The following SSC5D variants were observed in gnomAD, a reference collection of about 807,000 sequenced individuals.
SSC5D encodes the protein soluble scavenger receptor cysteine-rich domain-containing protein SSC5D.
SSC5D carries 106 observed loss-of-function variants against 104.6 expected under a neutral mutation model. The observed-to-expected ratio is 1.01, with a 90% CI of 0.87 to 1.19. The LOEUF is 1.19. Ranked by LOEUF, SSC5D falls within the 50% of genes most tolerant of loss-of-function variation. The pLI is 0.00. For missense variants in SSC5D, 1,993 were observed against 2,153.8 expected (o/e 0.93, Z 1.48); for synonymous variants, 860 against 883.5 (o/e 0.97, Z 0.47).
In SSC5D at chr19:55,518,525, A is replaced by G. The variant is rs1987945803; in HGVS notation, c.4249A>G (p.Ser1417Gly). The change falls in exon 14 of 14, where the codon AGC (serine) becomes GGC (glycine). Residue 1417 changes from serine to glycine, a missense_variant. Ser to Gly is a moderately conservative substitution (Grantham distance 56). Coordinates refer to ENST00000389623, the MANE Select transcript of SSC5D (RefSeq NM_001144950.2). ...TEDFKPPRSQSPNLTPPPTHT... is the reference protein window; with the variant it reads ...TEDFKPPRSQGPNLTPPPTHT... ...GGACTTCAAGCCACCCAGAAGCCAGAGCCCCAACCTAACCCCTCCACCCAC... is the reference window on the plus strand; with the variant it reads ...GGACTTCAAGCCACCCAGAAGCCAGGGCCCCAACCTAACCCCTCCACCCAC... 3 of 1,550,606 alleles carry G rather than the reference A, an allele frequency of 1.9e-6. No individual in the cohort carries two copies. Among genetic ancestry groups the G allele is most frequent in the Non-Finnish European group, 2.6e-6 (3 of 1,146,766 alleles).
At chr19:55,512,973 A>C in intron 12 of SSC5D, 38 bp from the exon 13 acceptor site, 1 of 1,551,442 alleles carries the variant, frequency 6.4e-7, no homozygotes. Flanking sequence ...CTCAAAGGGA[A>C]GTTGGAAGAC....
chr19:55,496,416 C>T (rs1015250636), intron 8 of SSC5D, among the ~76,000 whole-genome samples: 1 of 152,158 alleles, frequency 6.6e-6, no homozygotes, highest in Non-Finnish European at 1.5e-5. Context: ...GGGAAAAGGC[C>T]GAACAAAAGC....
At position 55,488,571 on chromosome 19, in the gene SSC5D, C is replaced by G. The variant is rs529665364; in HGVS notation, c.-19C>G. ...GCTCTCCTTCCCCTTTCACCCCATCCCCTGCCCTGGCTGCAACCATGAGGG... is the reference window on the plus strand; with the variant it reads ...GCTCTCCTTCCCCTTTCACCCCATCGCCTGCCCTGGCTGCAACCATGAGGG... On this transcript the variant is annotated 5_prime_UTR_variant, in exon 1 of 14. Transcript: ENST00000389623. 1 of 1,550,356 alleles carries G rather than the reference C, an allele frequency of 6.5e-7. No individual in the cohort carries two copies. The highest frequency in any genetic ancestry group is 1.2e-5 in the South Asian group (1 of 83,994).
chr19:55,498,870 A>G (rs1987396864), intron 9 of SSC5D, among the ~76,000 whole-genome samples: 1 of 152,236 alleles, frequency 6.6e-6, no homozygotes, highest in Non-Finnish European at 1.5e-5. Context: ...ATCGTTTATC[A>G]CAGTGAAAGG....
Position 55,490,878 on chromosome 19 carries a change from C to G in SSC5D, c.693C>G (p.Asp231Glu), listed in dbSNP as rs777436474. 1.3e-6 allele frequency: 2 copies of G among 1,546,380 alleles called. No homozygotes were observed. Among genetic ancestry groups the G allele is most frequent in the South Asian group, 1.2e-5 (1 of 83,608 alleles). The change falls in exon 6 of 14, where the codon GAC becomes GAG. Residue 231 changes from aspartate (D) to glutamate (E), a missense_variant. By Grantham distance (45) the Asp-to-Glu change is conservative (BLOSUM62 2). Coordinates refer to ENST00000389623, the MANE Select transcript of SSC5D (RefSeq NM_001144950.2). ...TVCDDGWDLR[D>E]AAVACRELGC... ...GTGACGATGGCTGGGACCTGCGCGACGCTGCTGTAGCCTGCCGGGAACTGG... is the reference window on the plus strand; with the variant it reads ...GTGACGATGGCTGGGACCTGCGCGAGGCTGCTGTAGCCTGCCGGGAACTGG...
Position 55,499,963 on chromosome 19 carries a change from C to T in SSC5D, c.1853C>T (p.Thr618Met), listed in dbSNP as rs971302119. Residue 618 changes from threonine (T) to methionine (M), a missense_variant, in exon 10 of 14, where the codon ACG becomes ATG. Coordinates refer to ENST00000389623, the MANE Select transcript of SSC5D (RefSeq NM_001144950.2). ...GCCAGTGTTCTGGAGAAAACAACCA[C>T]GAAGGCCCCAGGGAAAATGCCTAAG... ...VTASVLEKTT[T>M]KAPGKMPKST... The T allele has an allele frequency of 3.3e-5, 51 of 1,551,852 alleles. No homozygotes were observed. Among genetic ancestry groups the T allele is most frequent in the East Asian group, 4.9e-5 (2 of 40,908 alleles).
At position 55,498,185 on chromosome 19, in the gene SSC5D, G is replaced by A; in HGVS notation, c.1693G>A (p.Val565Ile). The A allele has an allele frequency of 6.4e-7, 1 of 1,551,752 alleles. No homozygotes were observed. The highest frequency in any genetic ancestry group is 8.7e-7 in the Non-Finnish European group (1 of 1,147,012). ...HNCAHNEDVG[V>I]TCTGPPGLDS... ...CTGCGCTCACAATGAGGATGTTGGGGTCACCTGCACTGGTAAGGAGGCCCT... is the reference window on the plus strand; with the variant it reads ...CTGCGCTCACAATGAGGATGTTGGGATCACCTGCACTGGTAAGGAGGCCCT... The change falls in exon 9 of 14, where the codon GTC becomes ATC. Residue 565 changes from valine (V) to isoleucine (I), a missense_variant. Val to Ile is a conservative substitution (Grantham distance 29, BLOSUM62 3). This residue lies in a region of SSC5D where 1,101 missense variants were observed against 1,085.0 expected (regional missense o/e 1.01). Coordinates refer to ENST00000389623, the MANE Select transcript of SSC5D (RefSeq NM_001144950.2).
At chr19:55,516,515 A>G (rs1987876028) in intron 13 of SSC5D, among the ~76,000 whole-genome samples, 1 of 148,476 alleles carries the variant, frequency 6.7e-6, no homozygotes, top group South Asian at 2.1e-4. Flanking sequence ...AAAAAAAGTC[A>G]CTGAAGACAG....
In SSC5D at chr19:55,493,987, C is replaced by CAA; in HGVS notation, c.1213+75_1213+76insAA. 4 of 206,422 alleles carry CAA rather than the reference C, an allele frequency of 1.9e-5. 1 individual carries two copies. The highest frequency in any genetic ancestry group is 2.8e-5 in the Non-Finnish European group (4 of 145,040). 12.8% of individuals were successfully genotyped at this position (206,422 alleles called of 1,614,324 possible). ...AGCGGAGGGGCAAGTTCGGCGGGGG[C>CAA]GGGGGGGTCCCTACGCGCCCTTCCT... On this transcript the variant is annotated intron_variant, in intron 7 of 13. Coordinates refer to ENST00000389623, the MANE Select transcript of SSC5D (RefSeq NM_001144950.2).
At chr19:55,513,416 C>T (rs1987802904) in intron 13 of SSC5D, among the ~76,000 whole-genome samples, 1 of 152,104 alleles carries the variant, frequency 6.6e-6, no homozygotes, top group African/African-American at 2.4e-5. Context: ...TGGTGAGCCC[C>T]CCAAGATATG....
At chr19:55,516,496 C>CA (rs1202935374) in intron 13 of SSC5D, among the ~76,000 whole-genome samples, 4,187 of 122,002 alleles carry the variant, frequency 0.034, 169 homozygotes, top group African/African-American at 0.11. Context: ...GACTCCATCT[C>CA]AAAAAAAAAA....
In SSC5D at chr19:55,489,908, G is replaced by T; in HGVS notation, c.388G>T (p.Asp130Tyr). 1 of 1,548,598 alleles carries T rather than the reference G, an allele frequency of 6.5e-7. No individual in the cohort carries two copies. Among genetic ancestry groups the T allele is most frequent in the Non-Finnish European group, 8.7e-7 (1 of 1,146,226 alleles). The part of the protein sequence containing the change: ...AGQRVANSRD[D>Y]STSPLDGAPW... Reference sequence around the variant, plus strand: ...TCAGCGTGTGGCTAACTCCAGGGACGACTCAACATCTCCCCTGGATGGGGC... The same window carrying T: ...TCAGCGTGTGGCTAACTCCAGGGACTACTCAACATCTCCCCTGGATGGGGC... Residue 130 changes from aspartate (D) to tyrosine (Y), a missense_variant, in exon 4 of 14, where the codon GAC (aspartate) becomes TAC (tyrosine). This residue lies in a region of SSC5D where 1,101 missense variants were observed against 1,085.0 expected (regional missense o/e 1.01). Coordinates refer to ENST00000389623, the MANE Select transcript of SSC5D (RefSeq NM_001144950.2).
chr19:55,496,442 C>T (rs1987328095), intron 8 of SSC5D, among the ~76,000 whole-genome samples: 1 of 152,226 alleles, frequency 6.6e-6, no homozygotes, highest in Admixed American at 6.5e-5. Context: ...CTTATTTTCA[C>T]CATGATCACC....
At position 55,503,287 on chromosome 19, in the gene SSC5D, C is replaced by T. The variant is rs1599923232; in HGVS notation, c.2785+2086C>T. Among the ~76,000 whole-genome samples, 1 of 152,172 alleles carries T rather than the reference C, an allele frequency of 6.6e-6. No individual in the cohort carries two copies. Among genetic ancestry groups the T allele is most frequent in the African/African-American group, 2.4e-5 (1 of 41,440 alleles). On this transcript the variant is annotated intron_variant, in intron 12 of 13. Transcript: ENST00000389623. The surrounding 1 kb of genome is among the most constrained non-coding windows in gnomAD (Gnocchi z 4.0). ...CTTGTCTTTCACTTTCAGTTCTCAG[C>T]TTCGCCACCTGCTTCTCACTCGATT...
In SSC5D at chr19:55,519,042, AAAAC is replaced by A. The variant is rs753101430; in HGVS notation, c.*48_*51del. 8.8e-5 allele frequency: 132 copies of A among 1,506,230 alleles called. No individual in the cohort carries two copies. Among genetic ancestry groups the A allele is most frequent in the Non-Finnish European group, 1.1e-4 (128 of 1,129,844 alleles). The allele number at this position is 1,506,230 out of a possible 1,614,324, so 93.3% of individuals were successfully genotyped here. ...GGGCTTAAGACACCCCCAACCAAAA[AAAAC>A]AAAAACAAAAAAAACCCCCAAAGTA... On this transcript the variant is annotated 3_prime_UTR_variant, in exon 14 of 14. Transcript: ENST00000389623.
chr19:55,512,007 C>T (rs114767854), intron 12 of SSC5D, among the ~76,000 whole-genome samples: 1,610 of 152,020 alleles, frequency 0.011, 30 homozygotes, highest in African/African-American at 0.037. Context: ...CAATTTCAAG[C>T]TGATGAATTG....
At chr19:55,496,007 C>T (rs1987317732) in intron 8 of SSC5D, among the ~76,000 whole-genome samples, 2 of 148,492 alleles carry the variant, frequency 1.3e-5, no homozygotes, top group South Asian at 2.1e-4. Context: ...TCCCTAAGTG[C>T]TGGGATTATA....
chr19:55,505,917 A>G (rs555056313), intron 12 of SSC5D, among the ~76,000 whole-genome samples: 2 of 151,614 alleles, frequency 1.3e-5, no homozygotes, highest in South Asian at 2.1e-4. Context: ...TTGTATTTTT[A>G]GTAGAGATGG....
chr19:55,498,853 C>T (rs971264379), intron 9 of SSC5D, among the ~76,000 whole-genome samples: 10 of 152,212 alleles, frequency 6.6e-5, no homozygotes, highest in African/African-American at 2.4e-4. Context: ...CTGTTACACT[C>T]AGCGTTATCG....
Sources: gnomAD v4.1 joint callset for allele counts (sites outside exome capture counted in the v4.1 genomes callset) on GRCh38, gnomAD v4.1.1 for gene constraint, gnomAD v4.1.1 regional missense constraint, Gnocchi (gnomAD v3.1) non-coding constraint, MANE v1.5 for transcripts, NCBI Gene and HGNC (gene_info 2026-07-23, HGNC 2026-07-21) for gene names.